CFAP77: variants seen among roughly 807,000 people sequenced by gnomAD.
CFAP77 encodes the protein cilia- and flagella-associated protein 77.
Under a neutral mutation model 31.1 loss-of-function variants are expected in CFAP77, and 25 were observed. The ratio of observed to expected loss-of-function variants is 0.80; its 90% CI spans 0.59 to 1.12. The LOEUF is 1.12. Ranked by LOEUF, CFAP77 falls within the 50% of genes most tolerant of loss-of-function variation. The probability of loss-of-function intolerance (pLI) is 0.00; values close to 1 mark genes in which losing one functional copy is unlikely to be tolerated. For missense variants in CFAP77, 377 were observed against 397.3 expected (o/e 0.95, Z 0.44); for synonymous variants, 151 against 159.9 (o/e 0.94, Z 0.42).
chr9:132,465,760 C>T (rs117704165), intron 1 of CFAP77, among the ~76,000 whole-genome samples: 1 of 152,346 alleles, frequency 6.6e-6, no homozygotes, highest in Non-Finnish European at 1.5e-5. Flanking sequence ...CAAACTCTGC[C>T]TGAGTCCTCA....
In CFAP77 at chr9:132,552,217, G is replaced by A. The variant is rs1852833373; in HGVS notation, c.732+9170G>A. Among the ~76,000 whole-genome samples the A allele has an allele frequency of 1.3e-5, 2 of 152,232 alleles. No homozygotes were observed. The highest frequency in any genetic ancestry group is 6.5e-5 in the Admixed American group (1 of 15,290). ...CGCCCCAGGTCTGCATCTGTGAAGT[G>A]GGGATGGCAACAGAGAGGACCAAGT... On this transcript the variant is annotated intron_variant, in intron 5 of 5. Transcript: ENST00000393216. The surrounding 1 kb of genome is among the most constrained non-coding windows in gnomAD (Gnocchi z 5.5).
intron 3 of CFAP77, among the ~76,000 whole-genome samples, chr9:132,531,890 C>T (rs988143997): frequency 6.6e-6 from 1 of 152,068 alleles, no homozygotes; most frequent in Non-Finnish European, 1.5e-5. Flanking sequence ...GGATGTCAGC[C>T]GAGCCCGCAG....
At chr9:132,452,896 C>CT (rs1163950621) in intron 1 of CFAP77, among the ~76,000 whole-genome samples, 1 of 152,198 alleles carries the variant, frequency 6.6e-6, no homozygotes, top group Non-Finnish European at 1.5e-5. Flanking sequence ...TTCTTTGACT[C>CT]TAAGAAGGAG....
chr9:132,557,157 G>A (rs991394229), intron 5 of CFAP77, among the ~76,000 whole-genome samples: 2 of 152,158 alleles, frequency 1.3e-5, no homozygotes, highest in Non-Finnish European at 2.9e-5. Flanking sequence ...TGTTGGGTGC[G>A]TGTGTTGGAC....
At chr9:132,489,075 C>T (rs1241524898) in intron 1 of CFAP77, among the ~76,000 whole-genome samples, 2 of 152,066 alleles carry the variant, frequency 1.3e-5, no homozygotes, top group African/African-American at 4.8e-5. Context: ...GATTTTTCTC[C>T]GTTTGCCTCT....
chr9:132,549,261 G>A (rs1316265107), intron 5 of CFAP77, among the ~76,000 whole-genome samples: 3 of 152,152 alleles, frequency 2.0e-5, no homozygotes, highest in Admixed American at 6.5e-5. Flanking sequence ...AGGTGTATCC[G>A]AACCCAGGAA....
chr9:132,503,001 C>T (rs1298003175), intron 3 of CFAP77, among the ~76,000 whole-genome samples: 1 of 152,212 alleles, frequency 6.6e-6, no homozygotes, highest in African/African-American at 2.4e-5. Flanking sequence ...AAGTTCAGCT[C>T]AGCATCGCCT....
At chr9:132,503,047 T>C (rs1472865482) in intron 3 of CFAP77, among the ~76,000 whole-genome samples, 1 of 152,186 alleles carries the variant, frequency 6.6e-6, no homozygotes, top group Admixed American at 6.5e-5. Flanking sequence ...TGGCCTCAAA[T>C]ACCAGGCACA....
At position 132,572,946 on chromosome 9, in the gene CFAP77, T is replaced by G; in HGVS notation, c.*436T>G. The G allele has an allele frequency of 6.1e-6, 1 of 164,382 alleles. No homozygotes were observed. The highest frequency in any genetic ancestry group is 2.4e-5 in the African/African-American group (1 of 41,936). 10.2% of individuals were successfully genotyped at this position (164,382 alleles called of 1,614,324 possible). A position where few individuals can be genotyped will look rare whatever the true frequency, so the allele number is the denominator to read the frequency against. On this transcript the variant is annotated 3_prime_UTR_variant, in exon 6 of 6. Transcript: ENST00000393216. ...GTGCTTTGAAAGCCCTCATTTTCTA[T>G]TCCAAACATGAGTTTTAATTGCTCT...
intron 1 of CFAP77, among the ~76,000 whole-genome samples, chr9:132,431,442 A>C (rs1316280252): frequency 6.6e-6 from 1 of 152,236 alleles, no homozygotes; most frequent in Non-Finnish European, 1.5e-5. Flanking sequence ...AATTATCCAG[A>C]TTTAGAATCA....
chr9:132,427,170 C>A lies in CFAP77; in HGVS notation c.195+16704C>A, dbSNP rs556149898. On this transcript the variant is annotated intron_variant, in intron 1 of 5. Coordinates refer to ENST00000393216, the MANE Select transcript of CFAP77 (RefSeq NM_001282957.2). ...CAGATTTGGGCCAGAACCGGCTTCCCCAGAGCACGAGAAGCCCCGATTCTT... is the reference window on the plus strand; with the variant it reads ...CAGATTTGGGCCAGAACCGGCTTCCACAGAGCACGAGAAGCCCCGATTCTT... Among the ~76,000 whole-genome samples the A allele has an allele frequency of 4.6e-5, 7 of 152,336 alleles. No individual in the cohort carries two copies. The East Asian group carries it at 1.3e-3, about 29-fold the overall frequency.
At chr9:132,423,944 G>A (rs966510717) in intron 1 of CFAP77, among the ~76,000 whole-genome samples, 6 of 152,148 alleles carry the variant, frequency 3.9e-5, no homozygotes, top group African/African-American at 7.2e-5. Flanking sequence ...TATCACCTGC[G>A]TCTATATCTA....
rs79954555 is a variant in CFAP77 at position 132,427,484 on chromosome 9, G to A, written c.195+17018G>A. On this transcript the variant is annotated intron_variant, in intron 1 of 5. Transcript: ENST00000393216. Reference sequence around the variant, plus strand: ...GGCTTAAAAACAGGTATTTTGGCTGGGTACGGTGTAATCCCAGCTACGTGG... The same window carrying A: ...GGCTTAAAAACAGGTATTTTGGCTGAGTACGGTGTAATCCCAGCTACGTGG... 4.3e-4 allele frequency among the ~76,000 whole-genome samples: 66 copies of A among 152,192 alleles called. No homozygotes were observed. In the East Asian group the frequency reaches 0.011, roughly 25 times the overall value.
At chr9:132,459,901 A>C (rs563910910) in intron 1 of CFAP77, among the ~76,000 whole-genome samples, 3 of 148,836 alleles carry the variant, frequency 2.0e-5, no homozygotes, top group South Asian at 4.3e-4. Context: ...TGAGTGTGTT[A>C]GTGTGTGAGT....
At chr9:132,505,833 C>T (rs530771640) in intron 3 of CFAP77, among the ~76,000 whole-genome samples, 33 of 152,236 alleles carry the variant, frequency 2.2e-4, no homozygotes, top group East Asian at 2.1e-3. Context: ...CAGGTAGGCA[C>T]GGAGTTTGGA....
rs753151532 is a variant in CFAP77, at chr9:132,410,423, G to A, written c.152G>A (p.Gly51Glu). The A allele has an allele frequency of 6.3e-7, 1 of 1,599,420 alleles. No individual in the cohort carries two copies. The highest frequency in any genetic ancestry group is 1.1e-5 in the South Asian group (1 of 89,928). Residue 51 changes from glycine to glutamate, a missense_variant, in exon 1 of 6, where the codon GGG becomes GAG. By Grantham distance (98) the Gly-to-Glu change is moderately conservative. Transcript: ENST00000393216. ...TCCGGCATGGAGAACGAGCGGCTGG[G>A]GGTCGTGCGGGACTCCATGTTTCAG... ...IRSGMENERL[G>E]VVRDSMFQNP...
chr9:132,512,484 A>G (rs1229388013), intron 3 of CFAP77, among the ~76,000 whole-genome samples: 1 of 152,218 alleles, frequency 6.6e-6, no homozygotes, highest in Non-Finnish European at 1.5e-5. Context: ...TCATCGAAGC[A>G]TCTTAACACA....
At chr9:132,458,963 C>A (rs947871829) in intron 1 of CFAP77, among the ~76,000 whole-genome samples, 1 of 152,146 alleles carries the variant, frequency 6.6e-6, no homozygotes, top group African/African-American at 2.4e-5. Context: ...GACTTGATAA[C>A]CAGACCAGAT....
intron 5 of CFAP77, among the ~76,000 whole-genome samples, chr9:132,551,487 G>C (rs1243393391): frequency 6.6e-6 from 1 of 152,058 alleles, no homozygotes. Flanking sequence ...GTAGAGACAG[G>C]GTTTTGCCAT....
Sources: allele counts gnomAD v4.1 joint callset (sites outside exome capture counted in the v4.1 genomes callset), GRCh38; gene constraint gnomAD v4.1.1; non-coding constraint Gnocchi (gnomAD v3.1); transcripts MANE v1.5; gene names NCBI Gene and HGNC (gene_info 2026-07-23, HGNC 2026-07-21).